Variants in CSMD1 observed in about 807,000 individuals in gnomAD.
CSMD1 encodes the protein CUB and sushi domain-containing protein 1.
In CSMD1, 213 loss-of-function variants were observed where a neutral mutation model predicts 417.5. The observed-to-expected ratio is 0.51, with a 90% CI of 0.46 to 0.57. The LOEUF (loss-of-function observed/expected upper bound fraction) is 0.57. Among genes scored for constraint, CSMD1 ranks in the 20% least tolerant of loss-of-function variants. The pLI, the probability that CSMD1 is intolerant of heterozygous loss-of-function variation, is 0.00. For missense variants in CSMD1, 6,923 were observed against 4,529.7 expected (o/e 1.53, Z -15.17); for synonymous variants, 2,862 against 1,736.8 (o/e 1.65, Z -16.11).
intron 12 of CSMD1, among the ~76,000 whole-genome samples, chr8:3,465,059 A>T (rs1311126282): frequency 1.3e-5 from 2 of 152,184 alleles, no homozygotes; most frequent in Admixed American, 6.5e-5. Flanking sequence ...TGTATAACAC[A>T]TACTGTATAA....
chr8:3,315,707 G>A (rs1301702300), intron 23 of CSMD1, among the ~76,000 whole-genome samples: 1 of 152,032 alleles, frequency 6.6e-6, no homozygotes, highest in Non-Finnish European at 1.5e-5. Flanking sequence ...GTAAACTTCT[G>A]AACTTAAGGT....
At chr8:3,504,989 A>G (rs537612334) in intron 10 of CSMD1, among the ~76,000 whole-genome samples, 104 of 147,698 alleles carry the variant, frequency 7.0e-4, no homozygotes, top group African/African-American at 2.5e-3. Context: ...GAAAGTAAGC[A>G]AACAAAACAG....
intron 3 of CSMD1, among the ~76,000 whole-genome samples, chr8:4,118,027 C>G (rs1563145931): frequency 6.6e-6 from 1 of 150,854 alleles, no homozygotes; most frequent in South Asian, 2.1e-4. Context: ...AAGTTTTTCT[C>G]AAGCCTCTTA....
intron 1 of CSMD1, chr8:4,787,272 C>CT: frequency 1.6e-6 from 1 of 611,304 alleles, no homozygotes. Context: ...GATCACCCCT[C>CT]TTTTCTAGAG....
intron 3 of CSMD1, among the ~76,000 whole-genome samples, chr8:4,244,855 A>C (rs188557926): frequency 2.7e-4 from 41 of 152,304 alleles, no homozygotes; most frequent in Non-Finnish European, 4.6e-4. Flanking sequence ...TGTCATTGTA[A>C]CAAGATCCCC....
intron 2 of CSMD1, among the ~76,000 whole-genome samples, chr8:4,478,964 T>G (rs1800945310): frequency 6.6e-6 from 1 of 152,146 alleles, no homozygotes; most frequent in Admixed American, 6.5e-5. Flanking sequence ...CAACCTTAGT[T>G]TATTAATTCC....
intron 3 of CSMD1, among the ~76,000 whole-genome samples, chr8:4,131,280 G>C (rs375139433): frequency 1.3e-5 from 2 of 151,310 alleles, no homozygotes; most frequent in African/African-American, 4.9e-5. Context: ...AGGAACTGAA[G>C]AGGCTGAATC....
At chr8:4,496,586 T>C (rs1801989579) in intron 2 of CSMD1, among the ~76,000 whole-genome samples, 1 of 152,194 alleles carries the variant, frequency 6.6e-6, no homozygotes, top group Non-Finnish European at 1.5e-5. Flanking sequence ...TCTCTGCTCC[T>C]TGTGGCTCTC....
At chr8:4,473,518 G>A (rs893783688) in intron 2 of CSMD1, among the ~76,000 whole-genome samples, 1 of 152,126 alleles carries the variant, frequency 6.6e-6, no homozygotes, top group African/African-American at 2.4e-5. Flanking sequence ...TCTTGCACCT[G>A]CTTTGCAATT....
At chr8:3,498,662 C>T (rs1796466768) in intron 10 of CSMD1, among the ~76,000 whole-genome samples, 1 of 152,168 alleles carries the variant, frequency 6.6e-6, no homozygotes, top group Admixed American at 6.5e-5. Flanking sequence ...CATTTTGTTC[C>T]ACACATTTTG....
intron 2 of CSMD1, among the ~76,000 whole-genome samples, chr8:4,526,222 T>A (rs1324682912): frequency 6.6e-6 from 1 of 152,210 alleles, no homozygotes; most frequent in East Asian, 1.9e-4. Flanking sequence ...ATGCGCTACA[T>A]TTGATTATAA....
chr8:4,157,740 G>C (rs1388086446), intron 3 of CSMD1, among the ~76,000 whole-genome samples: 2 of 152,192 alleles, frequency 1.3e-5, no homozygotes, highest in Admixed American at 6.5e-5. Flanking sequence ...CTTTTCCTAG[G>C]AGTCAGGGCC....
At chr8:4,439,307 C>G (rs73660804) in intron 2 of CSMD1, among the ~76,000 whole-genome samples, 4,636 of 152,060 alleles carry the variant, frequency 0.03, 242 homozygotes, top group African/African-American at 0.1. Flanking sequence ...CCAAAATTAC[C>G]TTGGTAATCA....
chr8:4,945,131 G>A (rs747935356), intron 1 of CSMD1, among the ~76,000 whole-genome samples: 1 of 152,146 alleles, frequency 6.6e-6, no homozygotes, highest in Non-Finnish European at 1.5e-5. Context: ...TATAATCAGC[G>A]TAATTAGCCA....
intron 1 of CSMD1, among the ~76,000 whole-genome samples, chr8:4,684,234 C>A (rs1584942023): frequency 6.6e-6 from 1 of 152,154 alleles, no homozygotes; most frequent in Non-Finnish European, 1.5e-5. Context: ...CTTCTTTATA[C>A]TTCGGACAAC....
chr8:3,876,575 A>G (rs1449943928), intron 5 of CSMD1, among the ~76,000 whole-genome samples: 1 of 152,184 alleles, frequency 6.6e-6, no homozygotes, highest in African/African-American at 2.4e-5. Flanking sequence ...AAAATGAGGT[A>G]CTGGCTTTTT....
intron 1 of CSMD1, among the ~76,000 whole-genome samples, chr8:4,699,845 T>A (rs959743778): frequency 1.3e-5 from 2 of 152,138 alleles, no homozygotes; most frequent in African/African-American, 2.4e-5. Flanking sequence ...ACAAGTGAGA[T>A]TGACAATACT....
intron 1 of CSMD1, among the ~76,000 whole-genome samples, chr8:4,664,570 G>GAAAT (rs1261724965): frequency 6.6e-6 from 1 of 151,900 alleles, no homozygotes; most frequent in Non-Finnish European, 1.5e-5. Context: ...TGAAAATAAA[G>GAAAT]AAATAAATAA....
intron 3 of CSMD1, among the ~76,000 whole-genome samples, chr8:4,341,036 G>A (rs767885261): frequency 3.3e-5 from 5 of 151,918 alleles, no homozygotes; most frequent in Non-Finnish European, 2.9e-5. Flanking sequence ...TTCAACTTTA[G>A]AATCTATACT....
Sources: gnomAD v4.1 joint callset for allele counts (sites outside exome capture counted in the v4.1 genomes callset) on GRCh38, gnomAD v4.1.1 for gene constraint, MANE v1.5 for transcripts, NCBI Gene and HGNC (gene_info 2026-07-23, HGNC 2026-07-21) for gene names.